The following PDS5A variants were observed in gnomAD, a reference collection of about 807,000 sequenced individuals.
The protein encoded by PDS5A is sister chromatid cohesion protein PDS5 homolog A.
In PDS5A, 42 loss-of-function variants were observed where a neutral mutation model predicts 167.1. The ratio of observed to expected loss-of-function variants is 0.25; its 90% CI spans 0.20 to 0.33. PDS5A has a LOEUF of 0.33. Among genes scored for constraint, PDS5A ranks in the 10% least tolerant of loss-of-function variants. The probability of loss-of-function intolerance (pLI) is 1.00; values close to 1 mark genes in which losing one functional copy is unlikely to be tolerated. For missense variants in PDS5A, 1,033 were observed against 1,605.9 expected, an observed-to-expected ratio of 0.64 and a Z score of 6.10; for synonymous variants, 553 against 554.6, an observed-to-expected ratio of 1.00 and a Z score of 0.04.
intron 32 of PDS5A, among the ~76,000 whole-genome samples, chr4:39,830,991 T>C (rs1019010663): frequency 2.6e-5 from 4 of 152,264 alleles, no homozygotes; most frequent in Non-Finnish European, 5.9e-5. Context: ...ATCCCATTTA[T>C]GTAAGGGATC....
At chr4:39,877,836 T>C (rs183657491) in intron 18 of PDS5A, among the ~76,000 whole-genome samples, 3 of 152,148 alleles carry the variant, frequency 2.0e-5, no homozygotes, top group African/African-American at 7.2e-5. Flanking sequence ...CCAACCCCTG[T>C]GCTCAAGAGA....
chr4:39,829,906 G>A (rs975243408), intron 32 of PDS5A, among the ~76,000 whole-genome samples: 4 of 120,220 alleles, frequency 3.3e-5, no homozygotes, highest in Non-Finnish European at 6.4e-5. Context: ...AGCTGAGATC[G>A]AGCCACTGTA....
intron 31 of PDS5A, among the ~76,000 whole-genome samples, chr4:39,839,467 G>A (rs1716745027): frequency 6.6e-6 from 1 of 152,030 alleles, no homozygotes; most frequent in African/African-American, 2.4e-5. Context: ...TACTCAGGAG[G>A]CTGAGGCAGG....
In PDS5A at chr4:39,886,279, T is replaced by C. The variant is rs937080449; in HGVS notation, c.1886+3970A>G. Among the ~76,000 whole-genome samples the C allele has an allele frequency of 3.3e-5, 5 of 152,352 alleles. No homozygotes were observed. In the East Asian group the frequency reaches 7.7e-4, roughly 23 times the overall value. ...CCAGCTTTTGTTCTCTTTCCTCATA[T>C]TGCTTTGGCTATTTGAGTCTTTTGT... is the stretch of plus-strand genomic sequence containing the variant. On this transcript the variant is annotated intron_variant, in intron 17 of 32. Coordinates refer to ENST00000303538, the MANE Select transcript of PDS5A (RefSeq NM_001100399.2).
chr4:39,824,004 T>C lies in PDS5A; in HGVS notation c.*1481A>G, dbSNP rs575260235. ...ACGAAGTTATAACACAAATGTTGTT[T>C]CCTCTGACCCATGCTAGAAACGTGT... On this transcript the variant is annotated 3_prime_UTR_variant, in exon 33 of 33. Transcript: ENST00000303538. 1 of 152,332 alleles carries C rather than the reference T, an allele frequency of 6.6e-6. No homozygotes were observed. Among genetic ancestry groups the C allele is most frequent in the Non-Finnish European group, 1.5e-5 (1 of 68,036 alleles). 9.4% of individuals were successfully genotyped at this position (152,332 alleles called of 1,614,324 possible).
chr4:39,973,620 T>TAA (rs1730781755), intron 2 of PDS5A: 1 of 1,294,666 alleles, frequency 7.7e-7, no homozygotes, highest in South Asian at 1.2e-5. Flanking sequence ...AAGAAGCCAC[T>TAA]AAAGCAGTTA....
rs759798840 is a variant in PDS5A at position 39,898,520 on chromosome 4, G to A, written c.1639C>T (p.Pro547Ser). The change falls in exon 16 of 33, where the codon CCT (proline) becomes TCT (serine). Residue 547 changes from proline (P) to serine (S), a missense_variant. By Grantham distance (74) the Pro-to-Ser change is moderately conservative. This residue lies in a region of PDS5A where 367 missense variants were observed against 686.7 expected (regional missense o/e 0.53). Transcript: ENST00000303538. Reference sequence around the variant, plus strand: ...AAATCTTGTGCTTTCCCGGGGTCAGGCAAATTCTCTATAAAATTAAAAGAG... The same window carrying A: ...AAATCTTGTGCTTTCCCGGGGTCAGACAAATTCTCTATAAAATTAAAAGAG... Reference protein sequence around the residue: ...GKLMTIAKNLPDPGKAQDFVK... With the variant: ...GKLMTIAKNLSDPGKAQDFVK... 1 of 1,556,832 alleles carries A rather than the reference G, an allele frequency of 6.4e-7. No homozygotes were observed.
At chr4:39,956,644 T>C (rs896456360) in intron 2 of PDS5A, among the ~76,000 whole-genome samples, 4 of 151,902 alleles carry the variant, frequency 2.6e-5, no homozygotes, top group Non-Finnish European at 4.4e-5. Flanking sequence ...GCTTTATAGG[T>C]ATATGCTTCA....
chr4:39,873,437 A>C (rs949534914), intron 20 of PDS5A, among the ~76,000 whole-genome samples: 1 of 152,234 alleles, frequency 6.6e-6, no homozygotes, highest in African/African-American at 2.4e-5. Context: ...ATTTTTGACT[A>C]ATCTACAACA....
At chr4:39,948,614 C>T (rs1258980535) in intron 2 of PDS5A, among the ~76,000 whole-genome samples, 1 of 140,958 alleles carries the variant, frequency 7.1e-6, no homozygotes, top group South Asian at 2.3e-4. Context: ...TGAGCTACCA[C>T]GCCTGGATTT....
intron 9 of PDS5A, 57 bp downstream of exon 9, chr4:39,913,554 C>T (rs962213340): frequency 3.4e-6 from 3 of 893,910 alleles, no homozygotes; most frequent in Admixed American, 1.7e-5. Context: ...ATCAAGTGGA[C>T]TGCACCCTAC....
At chr4:39,951,824 C>T (rs911596225) in intron 2 of PDS5A, among the ~76,000 whole-genome samples, 9 of 141,966 alleles carry the variant, frequency 6.3e-5, no homozygotes, top group African/African-American at 1.6e-4. Flanking sequence ...CGCCTGAACC[C>T]GGAAGGCAGA....
chr4:39,860,964 G>GTCAT (rs1418998994), intron 26 of PDS5A, among the ~76,000 whole-genome samples: 1 of 151,700 alleles, frequency 6.6e-6, no homozygotes, highest in Non-Finnish European at 1.5e-5. Context: ...TACTCAGGAA[G>GTCAT]ATGAGGTAGG....
intron 12 of PDS5A, among the ~76,000 whole-genome samples, chr4:39,903,608 T>G (rs1723060509): frequency 6.6e-6 from 1 of 152,260 alleles, no homozygotes; most frequent in African/African-American, 2.4e-5. Flanking sequence ...AGTGCTCTCT[T>G]GCCACACATT....
chr4:39,927,452 A>T (rs1224462486), intron 3 of PDS5A, among the ~76,000 whole-genome samples: 1 of 152,232 alleles, frequency 6.6e-6, no homozygotes, highest in Admixed American at 6.5e-5. Flanking sequence ...AGCAGTCTAC[A>T]GGATTAAAAT....
intron 2 of PDS5A, among the ~76,000 whole-genome samples, chr4:39,943,187 C>T (rs973825805): frequency 2.7e-5 from 4 of 150,376 alleles, no homozygotes; most frequent in Non-Finnish European, 5.9e-5. Flanking sequence ...CACATATATA[C>T]ATATATCTCA....
chr4:39,829,911 A>G (rs13148530), intron 32 of PDS5A, among the ~76,000 whole-genome samples: 1 of 133,584 alleles, frequency 7.5e-6, no homozygotes, highest in East Asian at 2.6e-4. Flanking sequence ...AGATCGAGCC[A>G]CTGTACTCCA....
At chr4:39,934,222 G>A (rs191550999) in intron 2 of PDS5A, among the ~76,000 whole-genome samples, 116 of 152,208 alleles carry the variant, frequency 7.6e-4, no homozygotes, top group African/African-American at 2.7e-3. Context: ...ACAGGATTCA[G>A]CTCTCCTTGT....
intron 32 of PDS5A, among the ~76,000 whole-genome samples, chr4:39,827,636 C>T (rs1715444135): frequency 6.6e-6 from 1 of 152,176 alleles, no homozygotes; most frequent in Non-Finnish European, 1.5e-5. Flanking sequence ...AGGAAACCTT[C>T]TCATTATACA....
Sources: allele counts gnomAD v4.1 joint callset (sites outside exome capture counted in the v4.1 genomes callset), GRCh38; gene constraint gnomAD v4.1.1; regional missense constraint gnomAD v4.1.1; transcripts MANE v1.5; gene names NCBI Gene and HGNC (gene_info 2026-07-23, HGNC 2026-07-21).